Variants in NCOA1 observed in about 807,000 individuals in gnomAD.
NCOA1 encodes nuclear receptor coactivator 1, also known as Hin-2 protein.
In NCOA1, 35 loss-of-function variants were observed where a neutral mutation model predicts 150.9. The ratio of observed to expected loss-of-function variants is 0.23; its 90% confidence interval spans 0.18 to 0.31. NCOA1 has a LOEUF of 0.31. NCOA1 is among the 10% of genes least tolerant of loss of function. The probability of loss-of-function intolerance (pLI) is 1.00; values close to 1 mark genes in which losing one functional copy is unlikely to be tolerated. For missense variants in NCOA1, 1,491 were observed against 1,749.3 expected, an observed-to-expected ratio of 0.85 and a Z score of 2.63; for synonymous variants, 590 against 630.0, an observed-to-expected ratio of 0.94 and a Z score of 0.95.
chr2:24,650,459 A>C, intron 4 of NCOA1, among the ~76,000 whole-genome samples: 1 of 152,192 alleles, frequency 6.6e-6, no homozygotes, highest in East Asian at 1.9e-4. Flanking sequence ...TTCATTAAAG[A>C]ATACTGTAAA....
Position 24,733,952 on chromosome 2 carries a change from A to C in NCOA1, c.3201+4137A>C, listed in dbSNP as rs1158866627. On this transcript the variant is annotated intron_variant, in intron 17 of 22. Coordinates refer to ENST00000348332, the MANE Select transcript of NCOA1 (RefSeq NM_003743.5). ...GTAACCCCAGCACTTTGGGAGGCCG[A>C]GGTGGGCGGATCACCTGAGGTCAAG... Among the ~76,000 whole-genome samples the C allele has an allele frequency of 2.6e-5, 4 of 152,278 alleles. No individual in the cohort carries two copies. In the East Asian group the frequency reaches 7.7e-4, roughly 29 times the overall value.
intron 1 of NCOA1, among the ~76,000 whole-genome samples, chr2:24,550,526 T>C (rs544605392): frequency 6.6e-6 from 1 of 152,286 alleles, no homozygotes; most frequent in Admixed American, 6.5e-5. Flanking sequence ...ATTTATTCAC[T>C]ACCATGAGAA....
chr2:24,494,242 A>G (rs1438213868), intron 1 of NCOA1, among the ~76,000 whole-genome samples: 1 of 152,154 alleles, frequency 6.6e-6, no homozygotes, highest in Non-Finnish European at 1.5e-5. Flanking sequence ...TGTATAGGGA[A>G]TCTGTATACT....
Position 24,690,651 on chromosome 2 carries a change from C to CAAAAAAAAAAAA in NCOA1, c.533-814_533-803dup, listed in dbSNP as rs70947837. Among the ~76,000 whole-genome samples, 23 of 38,444 alleles carry CAAAAAAAAAAAA rather than the reference C, an allele frequency of 6.0e-4. 2 individuals are homozygous for CAAAAAAAAAAAA. Among genetic ancestry groups the CAAAAAAAAAAAA allele is most frequent in the African/African-American group, 2.2e-3 (17 of 7,838 alleles). The allele number at this position is 38,444 out of a possible 152,430, so 25.2% of individuals were successfully genotyped here. On this transcript the variant is annotated intron_variant, in intron 8 of 22. Transcript: ENST00000348332. ...TGGGTGACAAAGTGAGATTCCATCT[C>CAAAAAAAAAAAA]AAAAAAAAAAAAAAAAAAAAAAAAA...
intron 21 of NCOA1, among the ~76,000 whole-genome samples, chr2:24,761,822 C>T (rs762413433): frequency 3.3e-5 from 5 of 152,324 alleles, no homozygotes; most frequent in South Asian, 2.1e-4. Context: ...TCTAACCTTA[C>T]CACCAAGGTA....
intron 3 of NCOA1, among the ~76,000 whole-genome samples, chr2:24,613,832 C>T (rs571802092): frequency 9.8e-5 from 15 of 152,286 alleles, no homozygotes; most frequent in South Asian, 4.1e-4. Context: ...CTCCAGTTAC[C>T]TGGAGATCTG....
At chr2:24,503,733 G>GTTTT (rs72387328) in intron 1 of NCOA1, among the ~76,000 whole-genome samples, 2 of 132,094 alleles carry the variant, frequency 1.5e-5, no homozygotes, top group Non-Finnish European at 3.2e-5. Context: ...ACTTGTCTCT[G>GTTTT]TTTTTTTTTT....
At chr2:24,533,152 T>G (rs1204568360) in intron 1 of NCOA1, among the ~76,000 whole-genome samples, 1 of 152,222 alleles carries the variant, frequency 6.6e-6, no homozygotes, top group Non-Finnish European at 1.5e-5. Context: ...TAGTTGTCCT[T>G]GAAGAGGTCC....
intron 3 of NCOA1, among the ~76,000 whole-genome samples, chr2:24,585,120 T>A (rs1162821429): frequency 6.6e-6 from 1 of 152,238 alleles, no homozygotes; most frequent in African/African-American, 2.4e-5. Context: ...CAAGTGAGCA[T>A]GCCTGCTTCA....
intron 4 of NCOA1, among the ~76,000 whole-genome samples, chr2:24,650,543 C>T (rs1670667553): frequency 6.6e-6 from 1 of 152,044 alleles, no homozygotes; most frequent in Non-Finnish European, 1.5e-5. Context: ...GTCTAATACC[C>T]CGAATGTAAA....
intron 10 of NCOA1, among the ~76,000 whole-genome samples, chr2:24,695,617 A>G (rs1672863702): frequency 6.6e-6 from 1 of 152,198 alleles, no homozygotes; most frequent in African/African-American, 2.4e-5. Context: ...AAGTTTTTGT[A>G]GTACTTTTTA....
chr2:24,520,783 A>G (rs957367948), intron 1 of NCOA1, among the ~76,000 whole-genome samples: 4 of 152,256 alleles, frequency 2.6e-5, no homozygotes, highest in African/African-American at 9.6e-5. Context: ...TGTTATAAGT[A>G]TAACAAAATA....
At chr2:24,583,139 G>A (rs1257627591) in intron 2 of NCOA1, among the ~76,000 whole-genome samples, 1 of 152,070 alleles carries the variant, frequency 6.6e-6, no homozygotes, top group East Asian at 1.9e-4. Context: ...CCTGAAGAAT[G>A]GGAGAAAATA....
At chr2:24,571,874 C>A (rs1305804130) in intron 2 of NCOA1, among the ~76,000 whole-genome samples, 1 of 152,078 alleles carries the variant, frequency 6.6e-6, no homozygotes, top group Non-Finnish European at 1.5e-5. Context: ...TATTATATTT[C>A]TCTCCTGATC....
intron 3 of NCOA1, among the ~76,000 whole-genome samples, chr2:24,638,216 A>G (rs986645709): frequency 1.4e-4 from 18 of 129,862 alleles, no homozygotes; most frequent in African/African-American, 5.2e-4. Flanking sequence ...TAGCTTTCAC[A>G]TAGGAGTGAG....
chr2:24,704,971 G>A (rs1260598985), intron 11 of NCOA1, 115 bp from the exon 12 acceptor site: 11 of 1,019,978 alleles, frequency 1.1e-5, no homozygotes, highest in Non-Finnish European at 1.6e-5. Flanking sequence ...GTCTAAGCAG[G>A]CAACAGTTGG....
chr2:24,693,052 C>T (rs550913876), intron 9 of NCOA1, among the ~76,000 whole-genome samples, 200 bp from the exon 10 acceptor site: 5 of 152,164 alleles, frequency 3.3e-5, no homozygotes, highest in Non-Finnish European at 4.4e-5. Flanking sequence ...TTAGTAGATA[C>T]AGGGTTTCAC....
At chr2:24,696,485 AAC>A in intron 10 of NCOA1, among the ~76,000 whole-genome samples, 1 of 152,360 alleles carries the variant, frequency 6.6e-6, no homozygotes, top group South Asian at 2.1e-4. Context: ...GAAGCCTGAC[AAC>A]ACAAGTGATG....
intron 7 of NCOA1, among the ~76,000 whole-genome samples, chr2:24,680,167 C>A (rs1279623679): frequency 6.6e-6 from 1 of 152,106 alleles, no homozygotes; most frequent in Non-Finnish European, 1.5e-5. Context: ...TGGATATATA[C>A]CCAGTACTGG....
Sources: gnomAD v4.1 joint callset for allele counts (sites outside exome capture counted in the v4.1 genomes callset) on GRCh38, gnomAD v4.1.1 for gene constraint, MANE v1.5 for transcripts, NCBI Gene and HGNC (gene_info 2026-07-23, HGNC 2026-07-21) for gene names.